Variants in NUDT2 observed in about 807,000 individuals in gnomAD.
NUDT2 encodes the protein bis(5'-nucleosyl)-tetraphosphatase [asymmetrical].
A neutral mutation model predicts 14.2 loss-of-function variants in NUDT2; 12 were observed. The ratio of observed to expected loss-of-function variants is 0.84; its 90% confidence interval spans 0.54 to 1.37. NUDT2 has a LOEUF of 1.37. Ranked by LOEUF, NUDT2 falls within the 40% of genes most tolerant of loss-of-function variation. The probability of loss-of-function intolerance (pLI) is 0.00; values close to 1 mark genes in which losing one functional copy is unlikely to be tolerated. For synonymous variants in NUDT2, 67 were observed against 67.4 expected (o/e 0.99, Z 0.03); for missense variants, 167 against 176.7 (o/e 0.95, Z 0.31).
intron 1 of NUDT2, among the ~76,000 whole-genome samples, chr9:34,329,919 A>C (rs1213443428): frequency 1.2e-4 from 18 of 152,212 alleles, no homozygotes; most frequent in South Asian, 4.1e-4. Context: ...CCAGGCGCCG[A>C]ACCTTCCCCT....
chr9:34,329,735 G>A (rs1216771481), intron 1 of NUDT2, 136 bp downstream of exon 1: 1 of 152,412 alleles, frequency 6.6e-6, no homozygotes, highest in Non-Finnish European at 1.5e-5. Flanking sequence ...TAAGTTGGCA[G>A]TGAGGTGTGG....
rs148476514 is a variant in NUDT2 at position 34,337,086 on chromosome 9, A to T, written c.-152+745A>T. The stretch of plus-strand genomic sequence containing the variant: ...CCCGTCTCGGCTCACCACAACCTCC[A>T]CCTCCCGGGTTCAAGTGATTCTTCT... On this transcript the variant is annotated intron_variant, in intron 2 of 4. Transcript: ENST00000379158. Among the ~76,000 whole-genome samples the T allele has an allele frequency of 5.8e-3, 736 of 126,914 alleles. 4 individuals carry two copies. Among genetic ancestry groups the T allele is most frequent in the African/African-American group, 0.021 (689 of 33,140 alleles). 83.3% of individuals were successfully genotyped at this position (126,914 alleles called of 152,430 possible).
At chr9:34,332,428 T>C (rs1388648088) in intron 1 of NUDT2, among the ~76,000 whole-genome samples, 4 of 152,218 alleles carry the variant, frequency 2.6e-5, no homozygotes, top group Non-Finnish European at 2.9e-5. Context: ...CACTAGCCTG[T>C]AAATCTCTAG....
chr9:34,333,924 T>G (rs1838019647), intron 1 of NUDT2, among the ~76,000 whole-genome samples: 1 of 152,212 alleles, frequency 6.6e-6, no homozygotes, highest in Non-Finnish European at 1.5e-5. Flanking sequence ...AATGCTTCTC[T>G]TGAAAGGTTG....
intron 2 of NUDT2, among the ~76,000 whole-genome samples, 177 bp from the exon 3 acceptor site, chr9:34,338,536 T>G (rs1215485324): frequency 2.1e-5 from 3 of 145,418 alleles, no homozygotes; most frequent in Non-Finnish European, 4.5e-5. Flanking sequence ...AACGAAATAT[T>G]TTTTTCTATA....
At chr9:34,338,277 C>A (rs1463061427) in intron 2 of NUDT2, among the ~76,000 whole-genome samples, 2 of 131,160 alleles carry the variant, frequency 1.5e-5, no homozygotes, top group African/African-American at 5.8e-5. Flanking sequence ...TGGATCACTT[C>A]AGCCCAGAAG....
At chr9:34,341,840 C>T (rs1820193519) in intron 4 of NUDT2, among the ~76,000 whole-genome samples, 1 of 152,096 alleles carries the variant, frequency 6.6e-6, no homozygotes, top group African/African-American at 2.4e-5. Flanking sequence ...GCAGCTGGCT[C>T]TGGGCATTGT....
rs776295589 is a variant in NUDT2, at chr9:34,343,284, G to A, written c.288G>A (p.Ala96=). The change falls in exon 5 of 5, where the codon GCG becomes GCA. Residue 96 remains alanine (A), a synonymous_variant. Coordinates refer to ENST00000379158, the MANE Select transcript of NUDT2 (RefSeq NM_001161.5). ...NKPKTVIYWL[A]EVKDYDVEIR... Reference sequence around the variant, plus strand: ...CTAAAACAGTCATTTACTGGCTGGCGGAGGTGAAGGACTATGACGTGGAGA... The same window carrying A: ...CTAAAACAGTCATTTACTGGCTGGCAGAGGTGAAGGACTATGACGTGGAGA... The A allele has an allele frequency of 2.5e-5, 41 of 1,611,976 alleles. No homozygotes were observed. Among genetic ancestry groups the A allele is most frequent in the Non-Finnish European group, 3.2e-5 (38 of 1,179,536 alleles).
rs769739680 is a variant in NUDT2 at position 34,343,104 on chromosome 9, T to C, written c.128-20T>C. 2 of 1,565,158 alleles carry C rather than the reference T, an allele frequency of 1.3e-6. No individual in the cohort carries two copies. The highest frequency in any genetic ancestry group is 2.0e-5 in the Admixed American group (1 of 50,998). ...TTGGAAGATTTCCTCCTCCTTTTCT[T>C]CCTCTTTTCTCCTAACTAGGCCATG... On this transcript the variant is annotated intron_variant, in intron 4 of 4. Coordinates refer to ENST00000379158, the MANE Select transcript of NUDT2 (RefSeq NM_001161.5).
At chr9:34,341,508 G>T (rs1820187054) in intron 4 of NUDT2, among the ~76,000 whole-genome samples, 1 of 152,164 alleles carries the variant, frequency 6.6e-6, no homozygotes, top group South Asian at 2.1e-4. Flanking sequence ...TAAGTTTCTG[G>T]GGGTTTTGTT....
At chr9:34,336,805 G>T (rs1039614667) in intron 2 of NUDT2, among the ~76,000 whole-genome samples, 1 of 151,594 alleles carries the variant, frequency 6.6e-6, no homozygotes, top group South Asian at 2.1e-4. Flanking sequence ...CAGCCTCCCA[G>T]AATGCTGGGA....
intron 2 of NUDT2, among the ~76,000 whole-genome samples, chr9:34,338,327 TAAAAAA>T (rs61594121): frequency 1.7e-3 from 57 of 33,740 alleles, no homozygotes; most frequent in Admixed American, 3.0e-3. Context: ...ACCCTGTCTC[TAAAAAA>T]AAAAAAAAAA....
intron 4 of NUDT2, among the ~76,000 whole-genome samples, 161 bp downstream of exon 4, chr9:34,339,327 C>T (rs1226286678): frequency 6.6e-6 from 1 of 152,168 alleles, no homozygotes; most frequent in Non-Finnish European, 1.5e-5. Flanking sequence ...GTCTCCAGAC[C>T]AGGCCAGAGT....
chr9:34,335,682 C>T (rs1838072673), intron 1 of NUDT2, among the ~76,000 whole-genome samples: 1 of 152,184 alleles, frequency 6.6e-6, no homozygotes, highest in African/African-American at 2.4e-5. Context: ...TCCATGGGTC[C>T]AGAATATAGA....
chr9:34,337,969 G>A (rs4879776), intron 2 of NUDT2, among the ~76,000 whole-genome samples: 33,664 of 151,124 alleles, frequency 0.22, 4,453 homozygotes, highest in East Asian at 0.61. Flanking sequence ...TCAGCCTCCC[G>A]AGTAGCTGGG....
At chr9:34,339,572 G>A (rs996271350) in intron 4 of NUDT2, among the ~76,000 whole-genome samples, 1 of 152,214 alleles carries the variant, frequency 6.6e-6, no homozygotes, top group African/African-American at 2.4e-5. Context: ...GCCAGGCACA[G>A]TGGCACACGC....
chr9:34,340,981 G>A (rs55993276), intron 4 of NUDT2, among the ~76,000 whole-genome samples: 3 of 152,216 alleles, frequency 2.0e-5, no homozygotes, highest in Middle Eastern at 3.4e-3. Context: ...CTGGCCAGAA[G>A]CGGGGACTTT....
intron 4 of NUDT2, among the ~76,000 whole-genome samples, chr9:34,340,734 G>A (rs1820164371): frequency 1.3e-5 from 2 of 152,220 alleles, no homozygotes; most frequent in Admixed American, 1.3e-4. Flanking sequence ...GAGGCCATTG[G>A]GATGGTTTGA....
At chr9:34,336,915 A>G (rs1446098504) in intron 2 of NUDT2, among the ~76,000 whole-genome samples, 31 of 150,758 alleles carry the variant, frequency 2.1e-4, no homozygotes, top group Non-Finnish European at 7.4e-5. Context: ...GCCTATTCCC[A>G]TATTGATGGA....
Sources: allele counts gnomAD v4.1 joint callset (sites outside exome capture counted in the v4.1 genomes callset), GRCh38; gene constraint gnomAD v4.1.1; transcripts MANE v1.5; gene names NCBI Gene and HGNC (gene_info 2026-07-23, HGNC 2026-07-21).